TENM3: variants seen among roughly 807,000 people sequenced by gnomAD.
The protein encoded by TENM3 is teneurin transmembrane protein 3.
TENM3 carries 63 observed loss-of-function variants against 255.1 expected under a neutral mutation model. The observed-to-expected ratio is 0.25, with a 90% CI of 0.20 to 0.30. TENM3 has a LOEUF of 0.30. TENM3 is among the 10% of genes least tolerant of loss of function. The pLI is 1.00. For missense variants in TENM3, 2,929 were observed against 3,461.1 expected (o/e 0.85, Z 3.86); for synonymous variants, 1,306 against 1,322.3 (o/e 0.99, Z 0.27).
At chr4:182,772,216 G>C (rs1253101367) in intron 22 of TENM3, among the ~76,000 whole-genome samples, 4 of 120,048 alleles carry the variant, frequency 3.3e-5, no homozygotes, top group African/African-American at 7.9e-5. Flanking sequence ...TCATAAACAA[G>C]TGAAATTGAA....
At chr4:182,367,977 T>G (rs954918613) in intron 3 of TENM3, among the ~76,000 whole-genome samples, 1 of 152,180 alleles carries the variant, frequency 6.6e-6, no homozygotes, top group Non-Finnish European at 1.5e-5. Flanking sequence ...TACATCATAC[T>G]AGCCTAGTTA....
At chr4:181,711,001 C>T in the TENM3 span, among the ~76,000 whole-genome samples, 1 of 151,816 alleles carries the variant, frequency 6.6e-6, no homozygotes, top group Non-Finnish European at 1.5e-5. Context: ...ATATTGTTTA[C>T]TAAATTTAAG....
At chr4:182,613,718 T>C (rs1454149013) in intron 4 of TENM3, among the ~76,000 whole-genome samples, 3 of 152,216 alleles carry the variant, frequency 2.0e-5, no homozygotes, top group African/African-American at 7.2e-5. Context: ...GAACATGTTA[T>C]CATATTCATT....
At chr4:182,649,149 T>A (rs937723048) in intron 5 of TENM3, among the ~76,000 whole-genome samples, 3 of 134,684 alleles carry the variant, frequency 2.2e-5, no homozygotes, top group Non-Finnish European at 3.4e-5. Flanking sequence ...AGATTTTTAA[T>A]ATGAGAAAAT....
chr4:182,557,972 T>G (rs763763237), intron 3 of TENM3, among the ~76,000 whole-genome samples: 8 of 152,316 alleles, frequency 5.3e-5, no homozygotes, highest in Non-Finnish European at 1.2e-4. Context: ...ATCTGATTGA[T>G]TCCGTTTCTT....
intron 6 of TENM3, among the ~76,000 whole-genome samples, chr4:182,665,208 G>A (rs1561075281): frequency 6.6e-6 from 1 of 152,124 alleles, no homozygotes; most frequent in African/African-American, 2.4e-5. Context: ...GAATCCTAGG[G>A]CCCTTAAGAA....
At chr4:182,664,863 A>G (rs1754524547) in intron 6 of TENM3, among the ~76,000 whole-genome samples, 1 of 152,228 alleles carries the variant, frequency 6.6e-6, no homozygotes. Flanking sequence ...CTGCAGAATA[A>G]AAGTTTGAAG....
the TENM3 span, among the ~76,000 whole-genome samples, chr4:181,476,815 T>A: frequency 2.6e-3 from 400 of 152,264 alleles, 3 homozygotes; most frequent in African/African-American, 9.3e-3. Context: ...AAAAACCTAA[T>A]ACAGAAGCCC....
At chr4:181,847,004 T>G in the TENM3 span, among the ~76,000 whole-genome samples, 1 of 152,226 alleles carries the variant, frequency 6.6e-6, no homozygotes, top group Non-Finnish European at 1.5e-5. Context: ...TCCCATCCCC[T>G]AGGCCCTGTG....
intron 15 of TENM3, 81 bp downstream of exon 15, chr4:182,730,400 T>C: frequency 6.6e-7 from 1 of 1,512,618 alleles, no homozygotes; most frequent in Non-Finnish European, 9.0e-7. Context: ...CATGTTTGAC[T>C]GTCCTTTTAA....
Position 182,490,253 on chromosome 4 carries a change from C to T in TENM3, c.512-110671C>T, listed in dbSNP as rs542313278. 1.9e-3 allele frequency among the ~76,000 whole-genome samples: 292 copies of T among 152,216 alleles called. 1 individual carries two copies. Among genetic ancestry groups the T allele is most frequent in the African/African-American group, 6.8e-3 (281 of 41,520 alleles). ...AATAACCATAGGTATTCAAATATTT[C>T]AGTAATAAATAAGAGTGTTTCTCAA... is the stretch of plus-strand genomic sequence containing the variant. On this transcript the variant is annotated intron_variant, in intron 3 of 27. Transcript: ENST00000511685.
At chr4:182,044,987 T>G in the TENM3 span, among the ~76,000 whole-genome samples, 1 of 152,242 alleles carries the variant, frequency 6.6e-6, no homozygotes, top group African/African-American at 2.4e-5. Flanking sequence ...CTCTGATGAT[T>G]ACAAGTATCT....
Position 182,714,250 on chromosome 4 carries a change from A to T in TENM3, c.2368+17A>T, listed in dbSNP as rs367947330. The T allele has an allele frequency of 8.7e-5, 138 of 1,590,372 alleles. No individual in the cohort carries two copies. Among genetic ancestry groups the T allele is most frequent in the Non-Finnish European group, 1.0e-4 (122 of 1,166,174 alleles). On this transcript the variant is annotated intron_variant, in intron 13 of 27. Transcript: ENST00000511685. The stretch of plus-strand genomic sequence containing the variant: ...ATGAAGGAGGTAAGAAATACTGAGC[A>T]TGAACACGAGTCTGTGCCAGAGCAC...
chr4:182,158,570 T>G (rs1404691829), intron 1 of TENM3, among the ~76,000 whole-genome samples: 1 of 152,196 alleles, frequency 6.6e-6, no homozygotes, highest in African/African-American at 2.4e-5. Flanking sequence ...CACTTCTTCC[T>G]GCTTTAAAGC....
At chr4:182,222,788 G>A (rs1227843254) in intron 1 of TENM3, among the ~76,000 whole-genome samples, 1 of 152,048 alleles carries the variant, frequency 6.6e-6, no homozygotes, top group Non-Finnish European at 1.5e-5. Flanking sequence ...ATGGGAGGAG[G>A]GCCTTCTGCA....
chr4:182,340,373 G>A (rs7666829), intron 2 of TENM3, among the ~76,000 whole-genome samples: 11,444 of 152,124 alleles, frequency 0.075, 448 homozygotes, highest in Non-Finnish European at 0.082. Flanking sequence ...CATTTTCAGC[G>A]TCCTCTGGAA....
intron 1 of TENM3, among the ~76,000 whole-genome samples, chr4:182,206,019 A>G (rs1754545298): frequency 6.6e-6 from 1 of 151,792 alleles, no homozygotes; most frequent in Non-Finnish European, 1.5e-5. Flanking sequence ...TCACTAATTT[A>G]CACGATCCAC....
At chr4:182,410,701 C>A (rs956883287) in intron 3 of TENM3, among the ~76,000 whole-genome samples, 2 of 151,944 alleles carry the variant, frequency 1.3e-5, no homozygotes, top group African/African-American at 4.8e-5. Context: ...GATGAGAAAT[C>A]GTCTTAACCA....
chr4:182,325,918 G>A (rs1263776241), intron 2 of TENM3, among the ~76,000 whole-genome samples: 5 of 152,122 alleles, frequency 3.3e-5, no homozygotes, highest in Admixed American at 3.3e-4. Flanking sequence ...GTTAAAAATA[G>A]CGCACTGAAC....
Sources: allele counts gnomAD v4.1 joint callset (sites outside exome capture counted in the v4.1 genomes callset), GRCh38; gene constraint gnomAD v4.1.1; transcripts MANE v1.5; gene names NCBI Gene and HGNC (gene_info 2026-07-23, HGNC 2026-07-21).